ACACA: variants seen among roughly 807,000 people sequenced by gnomAD.
ACACA encodes the protein acetyl-CoA carboxylase alpha.
In ACACA, 103 loss-of-function variants were observed where a neutral mutation model predicts 296.1. The ratio of observed to expected loss-of-function variants is 0.35; its 90% CI spans 0.30 to 0.41. The LOEUF (loss-of-function observed/expected upper bound fraction) is 0.41. ACACA is among the 10% of genes least tolerant of loss of function. The probability of loss-of-function intolerance (pLI) is 1.00; values close to 1 mark genes in which losing one functional copy is unlikely to be tolerated. For synonymous variants in ACACA, 953 were observed against 1,038.6 expected, an observed-to-expected ratio of 0.92 and a Z score of 1.58; for missense variants, 1,554 against 2,989.7, an observed-to-expected ratio of 0.52 and a Z score of 11.20.
At chr17:37,206,972 C>G in intron 31 of ACACA, 93 bp from the exon 32 acceptor site, 1 of 1,148,798 alleles carries the variant, frequency 8.7e-7, no homozygotes, top group Non-Finnish European at 1.3e-6. Context: ...AATAATCTAT[C>G]TTAGCCTGGG....
intron 16 of ACACA, 27 bp downstream of exon 16, chr17:37,251,978 G>A (rs372160699): frequency 5.7e-6 from 9 of 1,590,888 alleles, no homozygotes; most frequent in Non-Finnish European, 7.8e-6. Flanking sequence ...TGATTAGTTT[G>A]TGTAGCCTAC....
intron 7 of ACACA, 77 bp downstream of exon 7, chr17:37,276,956 A>C (rs1015873790): frequency 1.3e-5 from 17 of 1,269,834 alleles, no homozygotes; most frequent in Admixed American, 5.0e-5. Context: ...TAAACAGAAA[A>C]TCAGACTATA....
intron 41 of ACACA, among the ~76,000 whole-genome samples, chr17:37,174,020 A>ATATATATATATTTT (rs552735515): frequency 6.0e-5 from 1 of 16,796 alleles, no homozygotes; most frequent in Non-Finnish European, 9.9e-5. Flanking sequence ...ATATATATAT[A>ATATATATATATTTT]TTTTTTTTTT....
chr17:37,367,253 A>G (rs531684863), intron 1 of ACACA, among the ~76,000 whole-genome samples: 1 of 151,982 alleles, frequency 6.6e-6, no homozygotes, highest in South Asian at 2.1e-4. Context: ...GAAAGAATAA[A>G]GACAACAAAA....
Position 37,205,796 on chromosome 17 carries a change from G to A in ACACA, c.4025C>T (p.Ala1342Val). 6.2e-7 allele frequency: 1 copy of A among 1,613,640 alleles called. No individual in the cohort carries two copies. Among genetic ancestry groups the A allele is most frequent in the Non-Finnish European group, 8.5e-7 (1 of 1,179,878 alleles). Residue 1342 changes from alanine (A) to valine (V), a missense_variant, in exon 33 of 56, where the codon GCA becomes GTA. Physicochemically the swap from Ala to Val is moderately conservative, Grantham distance 64. Coordinates refer to ENST00000616317, the MANE Select transcript of ACACA (RefSeq NM_198834.3). The part of the protein sequence containing the change: ...TDCDIEDDRL[A>V]AMFREFTQQN... ...CTGGGTAAATTCTCTGAACATAGCTGCCAGCCTGTCATCCTCAATATCACA... is the reference window on the plus strand; with the variant it reads ...CTGGGTAAATTCTCTGAACATAGCTACCAGCCTGTCATCCTCAATATCACA...
intron 14 of ACACA, among the ~76,000 whole-genome samples, chr17:37,257,063 T>C (rs889294680): frequency 6.6e-6 from 1 of 152,200 alleles, no homozygotes; most frequent in Non-Finnish European, 1.5e-5. Context: ...GTGCTGTTAA[T>C]TTAATATTCA....
intron 52 of ACACA, among the ~76,000 whole-genome samples, chr17:37,106,841 T>A (rs1396242166): frequency 6.6e-6 from 1 of 151,550 alleles, no homozygotes; most frequent in South Asian, 2.1e-4. Flanking sequence ...CCTCTGGCCA[T>A]ACAGAATTGT....
chr17:37,114,772 T>C (rs2074160444), intron 50 of ACACA, among the ~76,000 whole-genome samples: 1 of 152,182 alleles, frequency 6.6e-6, no homozygotes, highest in Admixed American at 6.5e-5. Flanking sequence ...ATGGATCCTT[T>C]CTAAATACCA....
intron 1 of ACACA, among the ~76,000 whole-genome samples, chr17:37,361,279 C>T (rs914507129): frequency 7.9e-5 from 12 of 152,018 alleles, no homozygotes; most frequent in South Asian, 2.1e-4. Flanking sequence ...CCTCGTGATC[C>T]GCCCACCTTA....
At chr17:37,292,474 AG>A (rs1414689603) in intron 3 of ACACA, among the ~76,000 whole-genome samples, 54 of 152,362 alleles carry the variant, frequency 3.5e-4, no homozygotes, top group African/African-American at 1.3e-3. Context: ...GCAAGTTAAA[AG>A]AAAGATCAGA....
chr17:37,207,672 A>C lies in ACACA; in HGVS notation c.3836T>G (p.Phe1279Cys). The C allele has an allele frequency of 1.9e-6, 3 of 1,614,012 alleles. No homozygotes were observed. The highest frequency in any genetic ancestry group is 2.2e-5 in the South Asian group (2 of 91,068). ...RMGGMVSFRT[F>C]EDFVRIFDEV... The stretch of plus-strand genomic sequence containing the variant: ...AATGTCTTACCTGACAAAATCTTCA[A>C]AAGTCCGAAAAGAGACCATTCCGCC... Residue 1279 changes from phenylalanine to cysteine, a missense_variant, in exon 31 of 56, where the codon TTT (phenylalanine) becomes TGT (cysteine). Transcript: ENST00000616317.
At chr17:37,379,009 C>G in intron 1 of ACACA, 2 of 1,158,980 alleles carry the variant, frequency 1.7e-6, no homozygotes, top group Non-Finnish European at 2.4e-6. Context: ...GAGTTTGAGG[C>G]TGGAGTGAGC....
chr17:37,162,183 C>G, intron 41 of ACACA, 133 bp from the exon 42 acceptor site: 1 of 945,764 alleles, frequency 1.1e-6, no homozygotes, highest in East Asian at 2.6e-5. Context: ...GAGCCAAACT[C>G]CCTGTGGGAA....
chr17:37,346,908 T>C (rs1437245389), intron 1 of ACACA, among the ~76,000 whole-genome samples: 2 of 152,088 alleles, frequency 1.3e-5, no homozygotes, highest in Non-Finnish European at 2.9e-5. Context: ...TTGTCTCAGA[T>C]GAGACTCTGG....
intron 39 of ACACA, among the ~76,000 whole-genome samples, chr17:37,182,514 TTAGA>T (rs1489811290): frequency 2.0e-5 from 3 of 152,192 alleles, no homozygotes; most frequent in African/African-American, 7.2e-5. Context: ...CTCCATATAT[TTAGA>T]TAGTTTTATT....
rs1173029423 is a variant in ACACA at position 37,161,771 on chromosome 17, T to C, written c.5349+10A>G. On this transcript the variant is annotated intron_variant, in intron 42 of 55. Transcript: ENST00000616317. ...AGCACCTTGAAGTAGTATATGCTCTTAGTGTGTACCTTGTAAGGATCCTCA... is the reference window on the plus strand; with the variant it reads ...AGCACCTTGAAGTAGTATATGCTCTCAGTGTGTACCTTGTAAGGATCCTCA... 2 of 1,608,432 alleles carry C rather than the reference T, an allele frequency of 1.2e-6. No individual in the cohort carries two copies. The highest frequency in any genetic ancestry group is 8.5e-7 in the Non-Finnish European group (1 of 1,179,986).
chr17:37,343,207 A>G (rs940022940), intron 1 of ACACA, among the ~76,000 whole-genome samples: 1 of 151,912 alleles, frequency 6.6e-6, no homozygotes, highest in Non-Finnish European at 1.5e-5. Flanking sequence ...CAAACTCCTG[A>G]TATCAGGTGA....
At chr17:37,112,967 C>T (rs749655591) in intron 51 of ACACA, 121 bp downstream of exon 51, 80 of 1,227,140 alleles carry the variant, frequency 6.5e-5, no homozygotes, top group Non-Finnish European at 9.0e-5. Flanking sequence ...AAGGAAAAAG[C>T]TTTGGTTTGG....
At chr17:37,230,387 A>AAAATAAAT (rs200006134) in intron 25 of ACACA, among the ~76,000 whole-genome samples, 27 of 144,402 alleles carry the variant, frequency 1.9e-4, no homozygotes, top group East Asian at 4.1e-4. Flanking sequence ...TCCATCTCAA[A>AAAATAAAT]AAATAAATAA....
Sources: allele counts gnomAD v4.1 joint callset (sites outside exome capture counted in the v4.1 genomes callset), GRCh38; gene constraint gnomAD v4.1.1; transcripts MANE v1.5; gene names NCBI Gene and HGNC (gene_info 2026-07-23, HGNC 2026-07-21).